STXBP5L: variants seen among roughly 807,000 people sequenced by gnomAD.
The protein encoded by STXBP5L is syntaxin-binding protein 5-like.
STXBP5L carries 65 observed loss-of-function variants against 144.5 expected under a neutral mutation model. That is an observed-to-expected ratio of 0.45 (90% CI 0.37 to 0.55). The LOEUF (loss-of-function observed/expected upper bound fraction) is 0.55, where lower values mean the gene tolerates loss of function less well. Ranked by LOEUF, STXBP5L falls within the 20% of genes least tolerant of loss-of-function variation. The pLI is 0.00. For missense variants in STXBP5L, 1,298 were observed against 1,405.5 expected, an observed-to-expected ratio of 0.92 and a Z score of 1.22; for synonymous variants, 505 against 469.6, an observed-to-expected ratio of 1.08 and a Z score of -0.97.
chr3:121,150,589 T>C (rs1413242718), intron 7 of STXBP5L, among the ~76,000 whole-genome samples: 1 of 152,196 alleles, frequency 6.6e-6, no homozygotes, highest in African/African-American at 2.4e-5. Flanking sequence ...CAATGTTTTA[T>C]AAGCAAATCA....
chr3:121,121,854 AAATG>A, intron 7 of STXBP5L, 150 bp downstream of exon 7: 38 of 498,868 alleles, frequency 7.6e-5, no homozygotes, highest in Middle Eastern at 5.5e-4. Flanking sequence ...ACGAATGAGT[AAATG>A]AATGAATGAA....
At chr3:120,914,449 A>G (rs1029565648) in intron 2 of STXBP5L, among the ~76,000 whole-genome samples, 4 of 152,108 alleles carry the variant, frequency 2.6e-5, no homozygotes, top group African/African-American at 7.2e-5. Context: ...ATCTGACATA[A>G]TATCAGATCG....
intron 5 of STXBP5L, among the ~76,000 whole-genome samples, chr3:121,101,418 G>A (rs1327163555): frequency 6.6e-6 from 1 of 151,962 alleles, no homozygotes; most frequent in Non-Finnish European, 1.5e-5. Flanking sequence ...TTCATTCCTG[G>A]GATGCAAAGT....
intron 6 of STXBP5L, among the ~76,000 whole-genome samples, chr3:121,116,693 A>G (rs1033373209): frequency 6.6e-6 from 1 of 152,050 alleles, no homozygotes; most frequent in African/African-American, 2.4e-5. Flanking sequence ...GAATATTTCT[A>G]AAAACATTAA....
In STXBP5L at chr3:121,419,901, C is replaced by A. The variant is rs1392240138; in HGVS notation, c.*804C>A. The A allele has an allele frequency of 6.6e-6, 1 of 152,170 alleles. No homozygotes were observed. The allele number at this position is 152,170 out of a possible 1,614,324, so 9.4% of individuals were successfully genotyped here. ...AGCATTTTCTTCAGCCTGGCTTGTA[C>A]TCTATAGGGGAGTTGGTAGTAGGTG... On this transcript the variant is annotated 3_prime_UTR_variant, in exon 27 of 27. Coordinates refer to ENST00000471454, the MANE Select transcript of STXBP5L (RefSeq NM_001308330.2).
intron 9 of STXBP5L, among the ~76,000 whole-genome samples, chr3:121,159,988 A>G (rs1387125945): frequency 6.6e-6 from 1 of 152,118 alleles, no homozygotes; most frequent in African/African-American, 2.4e-5. Flanking sequence ...TTCATTTTGT[A>G]TGGTTTAAAT....
At chr3:121,372,514 G>C (rs1473469214) in intron 20 of STXBP5L, among the ~76,000 whole-genome samples, 1 of 152,130 alleles carries the variant, frequency 6.6e-6, no homozygotes, top group Non-Finnish European at 1.5e-5. Context: ...CCTCCTGCTG[G>C]GATTCCAGAG....
intron 3 of STXBP5L, among the ~76,000 whole-genome samples, chr3:120,959,906 G>C (rs978480623): frequency 6.6e-6 from 1 of 152,038 alleles, no homozygotes; most frequent in Admixed American, 6.5e-5. Context: ...TTGACAAATG[G>C]GATCTAATTA....
At chr3:120,941,699 C>T (rs2107654007) in intron 2 of STXBP5L, among the ~76,000 whole-genome samples, 1 of 151,674 alleles carries the variant, frequency 6.6e-6, no homozygotes, top group East Asian at 1.9e-4. Context: ...ATACACAAAT[C>T]ATATCAATGA....
chr3:120,946,961 G>A (rs191788048), intron 2 of STXBP5L, among the ~76,000 whole-genome samples: 1 of 151,806 alleles, frequency 6.6e-6, no homozygotes, highest in East Asian at 1.9e-4. Flanking sequence ...ACTCAGGGTA[G>A]TATGACTAGC....
Position 121,045,451 on chromosome 3 carries a change from C to T in STXBP5L, c.386C>T (p.Ala129Val), listed in dbSNP as rs1175373053. Residue 129 changes from alanine (A) to valine (V), a missense_variant, in exon 5 of 27, where the codon GCA becomes GTA. By Grantham distance (64) the Ala-to-Val change is moderately conservative. Coordinates refer to ENST00000471454, the MANE Select transcript of STXBP5L (RefSeq NM_001308330.2). Reference protein sequence around the residue: ...FLINEGALVSASSDDTLHLWN... With the variant: ...FLINEGALVSVSSDDTLHLWN... ...TTGTTCTAGGGTGCCTTGGTCAGTGCAAGTTCAGATGATACACTTCATTTG... is the reference window on the plus strand; with the variant it reads ...TTGTTCTAGGGTGCCTTGGTCAGTGTAAGTTCAGATGATACACTTCATTTG... The T allele has an allele frequency of 1.9e-5, 30 of 1,612,362 alleles. No individual in the cohort carries two copies. Among genetic ancestry groups the T allele is most frequent in the Non-Finnish European group, 2.5e-5 (29 of 1,179,198 alleles).
intron 23 of STXBP5L, among the ~76,000 whole-genome samples, chr3:121,412,700 T>C (rs2047139919): frequency 9.0e-6 from 1 of 111,648 alleles, no homozygotes; most frequent in Non-Finnish European, 1.7e-5. Context: ...TTACTATTTC[T>C]GATGAAAATA....
intron 5 of STXBP5L, among the ~76,000 whole-genome samples, chr3:121,086,815 T>C (rs1015537322): frequency 6.6e-6 from 1 of 152,066 alleles, no homozygotes; most frequent in Admixed American, 6.6e-5. Context: ...GTAATCTATC[T>C]GTATAAAAAG....
chr3:121,330,072 G>A (rs2044275351), intron 20 of STXBP5L, among the ~76,000 whole-genome samples: 1 of 152,136 alleles, frequency 6.6e-6, no homozygotes, highest in African/African-American at 2.4e-5. Flanking sequence ...GTTCATCAGG[G>A]TTTTAATAAT....
intron 3 of STXBP5L, among the ~76,000 whole-genome samples, chr3:121,012,143 AT>A (rs1213548710): frequency 3.3e-5 from 5 of 151,810 alleles, no homozygotes; most frequent in African/African-American, 7.2e-5. Context: ...TCAATACTTG[AT>A]TTTTTTATTG....
At position 121,063,741 on chromosome 3, in the gene STXBP5L, T is replaced by A. The variant is rs114979484; in HGVS notation, c.470+18206T>A. On this transcript the variant is annotated intron_variant, in intron 5 of 26. Coordinates refer to ENST00000471454, the MANE Select transcript of STXBP5L (RefSeq NM_001308330.2). ...TCTGGCTATAGCACCTTTGTGGAGC[T>A]GTGGTGGGCTCCATCCAGGTGGAAC... Among the ~76,000 whole-genome samples, 905 of 152,262 alleles carry A rather than the reference T, an allele frequency of 5.9e-3. 9 individuals carry two copies. The highest frequency in any genetic ancestry group is 0.02 in the African/African-American group (834 of 41,558).
At chr3:121,125,849 G>A (rs17677959) in intron 7 of STXBP5L, among the ~76,000 whole-genome samples, 19,819 of 152,172 alleles carry the variant, frequency 0.13, 1,616 homozygotes, top group Non-Finnish European at 0.19. Flanking sequence ...CTGAAGAGAG[G>A]GGGTGTTAAC....
chr3:121,208,816 G>T (rs1451116063), intron 10 of STXBP5L, among the ~76,000 whole-genome samples: 2 of 151,998 alleles, frequency 1.3e-5, no homozygotes, highest in East Asian at 3.9e-4. Flanking sequence ...TGTGTAAAAA[G>T]TGCAGGTTTG....
At chr3:121,101,697 A>C (rs1268222539) in intron 5 of STXBP5L, among the ~76,000 whole-genome samples, 2 of 152,028 alleles carry the variant, frequency 1.3e-5, no homozygotes, top group Non-Finnish European at 2.9e-5. Flanking sequence ...CACTCTCAAC[A>C]TTCTTATTCA....
Sources: allele counts gnomAD v4.1 joint callset (sites outside exome capture counted in the v4.1 genomes callset), GRCh38; gene constraint gnomAD v4.1.1; transcripts MANE v1.5; gene names NCBI Gene and HGNC (gene_info 2026-07-23, HGNC 2026-07-21).